Variants in HEBP1 observed in about 807,000 individuals in gnomAD.
HEBP1 encodes the protein heme-binding protein 1.
In HEBP1, 13 loss-of-function variants were observed where a neutral mutation model predicts 20.4. That is an observed-to-expected ratio of 0.64 (90% CI 0.42 to 1.01). The LOEUF (loss-of-function observed/expected upper bound fraction) is 1.01, where lower values mean the gene tolerates loss of function less well. HEBP1 is among the 50% of genes least tolerant of loss of function. HEBP1 has a pLI of 0.00. For synonymous variants in HEBP1, 92 were observed against 90.7 expected, an observed-to-expected ratio of 1.01 and a Z score of -0.08; for missense variants, 241 against 247.3, an observed-to-expected ratio of 0.97 and a Z score of 0.17.
intron 1 of HEBP1, among the ~76,000 whole-genome samples, chr12:12,990,848 C>A (rs1321455531): frequency 6.6e-6 from 1 of 152,156 alleles, no homozygotes; most frequent in African/African-American, 2.4e-5. Flanking sequence ...ATTTTCCAGA[C>A]CCTGTACTCG....
chr12:12,983,210 A>C (rs1197254708), intron 3 of HEBP1: 1 of 153,304 alleles, frequency 6.5e-6, no homozygotes, highest in East Asian at 1.9e-4. Flanking sequence ...TGAGCTGAAA[A>C]GGCCAAACTC....
chr12:12,987,793 C>T (rs1239996226), intron 2 of HEBP1, among the ~76,000 whole-genome samples: 1 of 151,980 alleles, frequency 6.6e-6, no homozygotes, highest in Admixed American at 6.6e-5. Context: ...TGCGCCACCA[C>T]ACCCAGCTTA....
chr12:12,987,065 T>C (rs1864161196), intron 3 of HEBP1, 87 bp downstream of exon 3: 2 of 1,048,696 alleles, frequency 1.9e-6, no homozygotes, highest in Admixed American at 2.4e-5. Flanking sequence ...CCATAAAAAT[T>C]TGACGCGAAT....
rs1491460101 is a variant in HEBP1 at position 12,987,589 on chromosome 12, T to TC, written c.218-258_218-257insG. Reference sequence around the variant, plus strand: ...ATCAAGACTGTAGATTATCAGTCTCTTTCTCTCTCTCTCTCTCTCTCTTTC... The same window carrying TC: ...ATCAAGACTGTAGATTATCAGTCTCTCTTCTCTCTCTCTCTCTCTCTCTTTC... On this transcript the variant is annotated intron_variant, in intron 2 of 3. Transcript: ENST00000014930. Among the ~76,000 whole-genome samples the TC allele has an allele frequency of 6.8e-4, 64 of 93,596 alleles. 1 individual carries two copies. The highest frequency in any genetic ancestry group is 1.3e-3 in the African/African-American group (46 of 34,352). 61.4% of individuals were successfully genotyped at this position (93,596 alleles called of 152,430 possible).
intron 3 of HEBP1, among the ~76,000 whole-genome samples, chr12:12,978,340 A>G (rs1864026854): frequency 6.7e-6 from 1 of 149,298 alleles, no homozygotes; most frequent in Admixed American, 6.8e-5. Flanking sequence ...CTTCCCGAGT[A>G]GCTGGGACTA....
At chr12:12,999,966 G>T (rs896633559) in intron 1 of HEBP1, 71 bp downstream of exon 1, 3 of 1,076,980 alleles carry the variant, frequency 2.8e-6, no homozygotes, top group South Asian at 1.4e-5. Context: ...CTCAGCACCC[G>T]CTGCAGCCCC....
intron 3 of HEBP1, among the ~76,000 whole-genome samples, chr12:12,981,521 T>A (rs1353629357): frequency 1.3e-5 from 2 of 152,180 alleles, no homozygotes; most frequent in East Asian, 3.8e-4. Context: ...TTGGCAAGGC[T>A]TTTGGACATG....
At chr12:12,994,042 G>C (rs1045575270) in intron 1 of HEBP1, among the ~76,000 whole-genome samples, 1 of 152,202 alleles carries the variant, frequency 6.6e-6, no homozygotes, top group African/African-American at 2.4e-5. Context: ...ACCTTTGCCA[G>C]GTGGTACAGA....
In HEBP1 at chr12:12,987,606, CTCTCTT is replaced by C. The variant is rs1343913799; in HGVS notation, c.218-280_218-275del. 1.2e-3 allele frequency among the ~76,000 whole-genome samples: 159 copies of C among 133,364 alleles called. 1 individual carries two copies. The highest frequency in any genetic ancestry group is 4.0e-3 in the African/African-American group (150 of 37,930). 87.5% of individuals were successfully genotyped at this position (133,364 alleles called of 152,430 possible). On this transcript the variant is annotated intron_variant, in intron 2 of 3. Transcript: ENST00000014930. Reference sequence around the variant, plus strand: ...TCAGTCTCTTTCTCTCTCTCTCTCTCTCTCTTTCTCTCTCTCTCTCTCTCTCTCTTT... The same window carrying C: ...TCAGTCTCTTTCTCTCTCTCTCTCTCTCTCTCTCTCTCTCTCTCTCTCTTT...
chr12:12,976,077 C>CAAAAAAAA (rs56110606), intron 3 of HEBP1, among the ~76,000 whole-genome samples: 116 of 85,774 alleles, frequency 1.4e-3, no homozygotes, highest in Non-Finnish European at 1.5e-3. Flanking sequence ...GACCCTGTGT[C>CAAAAAAAA]AAAAAAAAAA....
chr12:12,976,622 G>A (rs1863992068), intron 3 of HEBP1, among the ~76,000 whole-genome samples: 1 of 152,234 alleles, frequency 6.6e-6, no homozygotes, highest in Admixed American at 6.5e-5. Context: ...CATTCAGCAT[G>A]TGGATTGCAG....
At chr12:12,987,632 C>CTCTCTCTT (rs1555114946) in intron 2 of HEBP1, among the ~76,000 whole-genome samples, 6 of 151,292 alleles carry the variant, frequency 4.0e-5, no homozygotes, top group East Asian at 1.9e-4. Context: ...CTCTCTCTCT[C>CTCTCTCTT]TCTTTCTTTC....
chr12:12,994,200 A>G (rs1364420398), intron 1 of HEBP1, among the ~76,000 whole-genome samples: 1 of 152,226 alleles, frequency 6.6e-6, no homozygotes, highest in Non-Finnish European at 1.5e-5. Context: ...GGTCAAGAAC[A>G]GTATGATGAC....
At chr12:12,980,669 T>G (rs1261630090) in intron 3 of HEBP1, 1 of 150,178 alleles carries the variant, frequency 6.7e-6, no homozygotes, top group East Asian at 2.0e-4. Flanking sequence ...AAGTGGATGT[T>G]GTGTCTGGGG....
intron 2 of HEBP1, among the ~76,000 whole-genome samples, chr12:12,987,612 T>TCTCTCTCTCTCTCTCTCTCTCTCTCTC (rs1230851526): frequency 8.5e-6 from 1 of 117,786 alleles, no homozygotes; most frequent in African/African-American, 3.1e-5. Flanking sequence ...CTCTCTCTCT[T>TCTCTCTCTCTCTCTCTCTCTCTCTCTC]TCTCTCTCTC....
chr12:12,993,315 C>A (rs972767463), intron 1 of HEBP1, among the ~76,000 whole-genome samples: 4 of 152,080 alleles, frequency 2.6e-5, no homozygotes, highest in African/African-American at 9.7e-5. Flanking sequence ...GCTGGGACTA[C>A]AGGTGTGTGC....
At chr12:12,993,035 T>TG (rs35368172) in intron 1 of HEBP1, among the ~76,000 whole-genome samples, 2 of 152,186 alleles carry the variant, frequency 1.3e-5, no homozygotes, top group Non-Finnish European at 2.9e-5. Context: ...TCTAAAGCTA[T>TG]GGGGGGTGAA....
chr12:12,994,166 G>A (rs375834364), intron 1 of HEBP1, among the ~76,000 whole-genome samples: 33 of 152,172 alleles, frequency 2.2e-4, no homozygotes, highest in African/African-American at 7.7e-4. Context: ...CAGGTAGTGG[G>A]TACCATAAGA....
At chr12:12,985,254 A>T (rs886725415) in intron 3 of HEBP1, among the ~76,000 whole-genome samples, 17 of 152,306 alleles carry the variant, frequency 1.1e-4, no homozygotes, top group East Asian at 1.9e-4. Flanking sequence ...ATTATATTTT[A>T]AAAAAATCTT....
Sources: gnomAD v4.1 joint callset for allele counts (sites outside exome capture counted in the v4.1 genomes callset) on GRCh38, gnomAD v4.1.1 for gene constraint, MANE v1.5 for transcripts, NCBI Gene and HGNC (gene_info 2026-07-23, HGNC 2026-07-21) for gene names.